Variants in RHOBTB3 observed in about 807,000 individuals in gnomAD.
The protein encoded by RHOBTB3 is Rho related BTB domain containing 3.
Under a neutral mutation model 67.2 loss-of-function variants are expected in RHOBTB3, and 47 were observed. The ratio of observed to expected loss-of-function variants is 0.70; its 90% CI spans 0.55 to 0.89. The LOEUF (loss-of-function observed/expected upper bound fraction) is 0.89. RHOBTB3 is among the 40% of genes least tolerant of loss of function. The probability of loss-of-function intolerance (pLI) is 0.00; values close to 1 mark genes in which losing one functional copy is unlikely to be tolerated. For synonymous variants in RHOBTB3, 273 were observed against 274.2 expected (o/e 1.00, Z 0.04); for missense variants, 631 against 750.0 (o/e 0.84, Z 1.85).
At chr5:95,721,283 C>T (rs911063618) in intron 1 of RHOBTB3, among the ~76,000 whole-genome samples, 10 of 152,292 alleles carry the variant, frequency 6.6e-5, no homozygotes, top group Non-Finnish European at 1.0e-4. Flanking sequence ...AGGATCTTTG[C>T]TTGGCTGTCC....
intron 8 of RHOBTB3, among the ~76,000 whole-genome samples, chr5:95,775,541 C>G (rs1745848439): frequency 6.6e-6 from 1 of 151,742 alleles, no homozygotes; most frequent in African/African-American, 2.4e-5. Flanking sequence ...TGGTCCCAAG[C>G]ATTTCAGATA....
intron 8 of RHOBTB3, among the ~76,000 whole-genome samples, chr5:95,774,784 CTG>C (rs960393718): frequency 2.0e-4 from 30 of 152,064 alleles, no homozygotes; most frequent in African/African-American, 6.8e-4. Flanking sequence ...TTTGATACAA[CTG>C]TATGTTTTTA....
intron 5 of RHOBTB3, among the ~76,000 whole-genome samples, 174 bp from the exon 6 acceptor site, chr5:95,755,222 A>G (rs1218661711): frequency 2.4e-5 from 1 of 41,522 alleles, no homozygotes; most frequent in Non-Finnish European, 4.9e-5. Context: ...GTTAAGCAGT[A>G]GTAGAAAATC....
intron 1 of RHOBTB3, among the ~76,000 whole-genome samples, chr5:95,722,807 G>T (rs2112749164): frequency 6.6e-6 from 1 of 152,304 alleles, no homozygotes; most frequent in South Asian, 2.1e-4. Flanking sequence ...CGCTTTTCAA[G>T]AGCTAAATAA....
At chr5:95,755,842 G>A (rs1745229504) in intron 6 of RHOBTB3, 81 bp downstream of exon 6, 2 of 1,445,264 alleles carry the variant, frequency 1.4e-6, no homozygotes, top group Admixed American at 1.9e-5. Flanking sequence ...CAAGGGTACT[G>A]GTTAGTTTTA....
chr5:95,751,630 T>C (rs910700033), intron 4 of RHOBTB3, among the ~76,000 whole-genome samples: 1 of 152,156 alleles, frequency 6.6e-6, no homozygotes, highest in Non-Finnish European at 1.5e-5. Context: ...ATTATTTCAC[T>C]AACCAGGTAA....
Position 95,718,200 on chromosome 5 carries a change from G to A in RHOBTB3, n.133+435G>A, listed in dbSNP as rs781683191. Among the ~76,000 whole-genome samples, 49 of 152,030 alleles carry A rather than the reference G, an allele frequency of 3.2e-4. 1 individual carries two copies. The highest frequency in any genetic ancestry group is 5.9e-5 in the Non-Finnish European group (4 of 67,986). Reference sequence around the variant, plus strand: ...AAAAAAGTTGCTTCTAGCCGTATGGGGAAGAAAGAATAATAGCTAGAGACT... The same window carrying A: ...AAAAAAGTTGCTTCTAGCCGTATGGAGAAGAAAGAATAATAGCTAGAGACT... On this transcript the variant is annotated intron_variant and non_coding_transcript_variant, in intron 1 of 5. Transcript: ENST00000504949.
intron 8 of RHOBTB3, chr5:95,779,922 A>C (rs536679902): frequency 3.8e-6 from 1 of 265,176 alleles, no homozygotes; most frequent in South Asian, 7.5e-5. Context: ...TTAATATTTC[A>C]AGCCAATTGG....
chr5:95,737,198 G>A, intron 3 of RHOBTB3, 123 bp downstream of exon 3: 1 of 605,488 alleles, frequency 1.7e-6, no homozygotes, highest in Non-Finnish European at 2.8e-6. Context: ...TTGGTTCAAT[G>A]CCAGCTGCTA....
intron 2 of RHOBTB3, among the ~76,000 whole-genome samples, chr5:95,736,641 G>T (rs1170773702): frequency 6.6e-6 from 1 of 152,118 alleles, no homozygotes; most frequent in Non-Finnish European, 1.5e-5. Context: ...AGTGAAAGAG[G>T]TTGCTTATTT....
intron 2 of RHOBTB3, among the ~76,000 whole-genome samples, chr5:95,735,616 C>G (rs759735758): frequency 6.6e-6 from 1 of 152,150 alleles, no homozygotes; most frequent in Non-Finnish European, 1.5e-5. Context: ...TCAGACCTAG[C>G]TATTTTCTTA....
rs1278187665 is a variant in RHOBTB3 at position 95,748,305 on chromosome 5, C to A, written c.416-28C>A. On this transcript the variant is annotated intron_variant, in intron 3 of 11. Coordinates refer to ENST00000379982, the MANE Select transcript of RHOBTB3 (RefSeq NM_014899.4). The stretch of plus-strand genomic sequence containing the variant: ...TTTTTTTTCCTGTTTAATTTCGAAA[C>A]TCTTTGTTTTAAAATTTGTTTTCTC... 5.1e-6 allele frequency: 8 copies of A among 1,554,918 alleles called. No individual in the cohort carries two copies. The African/African-American group carries it at 9.6e-5, about 19-fold the overall frequency.
intron 3 of RHOBTB3, among the ~76,000 whole-genome samples, chr5:95,746,964 C>T (rs1342789473): frequency 6.6e-6 from 1 of 152,202 alleles, no homozygotes; most frequent in Non-Finnish European, 1.5e-5. Flanking sequence ...CATCTGTATG[C>T]AATTCATTCA....
intron 11 of RHOBTB3, among the ~76,000 whole-genome samples, chr5:95,791,432 T>A (rs1746387263): frequency 6.6e-6 from 1 of 152,228 alleles, no homozygotes; most frequent in Non-Finnish European, 1.5e-5. Flanking sequence ...TTGTTTGTTT[T>A]GTTTTGCTGG....
At chr5:95,784,381 A>T (rs1746157390) in intron 10 of RHOBTB3, among the ~76,000 whole-genome samples, 1 of 152,196 alleles carries the variant, frequency 6.6e-6, no homozygotes, top group Non-Finnish European at 1.5e-5. Context: ...AAACTAATTT[A>T]CTTCTTCATT....
chr5:95,731,737 C>T, intron 1 of RHOBTB3, 53 bp downstream of exon 1: 1 of 1,611,800 alleles, frequency 6.2e-7, no homozygotes, highest in Non-Finnish European at 8.5e-7. Flanking sequence ...GTGCCGTGCG[C>T]CCCAGGGACA....
intron 2 of RHOBTB3, 68 bp downstream of exon 2, chr5:95,732,152 C>T (rs754122017): frequency 1.4e-6 from 2 of 1,415,866 alleles, no homozygotes; most frequent in African/African-American, 1.4e-5. Context: ...TCCCCCTCCC[C>T]CTTCTGCCCA....
intron 10 of RHOBTB3, 107 bp from the exon 11 acceptor site, chr5:95,788,655 A>C (rs888124653): frequency 2.8e-6 from 2 of 702,870 alleles, no homozygotes; most frequent in Non-Finnish European, 4.8e-6. Flanking sequence ...AAGGCACATT[A>C]AACATGAATA....
chr5:95,773,174 C>T (rs986817102), intron 8 of RHOBTB3, among the ~76,000 whole-genome samples: 4 of 152,112 alleles, frequency 2.6e-5, no homozygotes, highest in Non-Finnish European at 5.9e-5. Flanking sequence ...AATCCTTGCT[C>T]CTCCTAATGG....
Sources: gnomAD v4.1 joint callset for allele counts (sites outside exome capture counted in the v4.1 genomes callset) on GRCh38, gnomAD v4.1.1 for gene constraint, MANE v1.5 for transcripts, NCBI Gene and HGNC (gene_info 2026-07-23, HGNC 2026-07-21) for gene names.